Variants in ABTB2 observed in about 807,000 individuals in gnomAD.
ABTB2 encodes the protein ankyrin repeat and BTB/POZ domain-containing protein 2.
ABTB2 carries 56 observed loss-of-function variants against 104.1 expected under a neutral mutation model. That is an observed-to-expected ratio of 0.54 (90% CI 0.43 to 0.67). The LOEUF (loss-of-function observed/expected upper bound fraction) is 0.67. Among genes scored for constraint, ABTB2 ranks in the 30% least tolerant of loss-of-function variants. The probability of loss-of-function intolerance (pLI) is 0.00; values close to 1 mark genes in which losing one functional copy is unlikely to be tolerated. For missense variants in ABTB2, 1,279 were observed against 1,407.7 expected, an observed-to-expected ratio of 0.91 and a Z score of 1.46; for synonymous variants, 606 against 608.2, an observed-to-expected ratio of 1.00 and a Z score of 0.05.
chr11:34,319,381 G>T (rs551705570), intron 1 of ABTB2, among the ~76,000 whole-genome samples: 1 of 152,358 alleles, frequency 6.6e-6, no homozygotes, highest in East Asian at 1.9e-4. Context: ...ACCAGGACCA[G>T]CTGATGCCTG....
chr11:34,160,321 G>C lies in ABTB2; in HGVS notation c.2430C>G (p.Ile810Met), dbSNP rs765493571. The C allele has an allele frequency of 6.2e-7, 1 of 1,614,190 alleles. No homozygotes were observed. The change falls in exon 12 of 17, where the codon ATC (isoleucine) becomes ATG (methionine). Residue 810 changes from isoleucine to methionine, a missense_variant. Coordinates refer to ENST00000435224, the MANE Select transcript of ABTB2 (RefSeq NM_145804.3). ...GACTGCTGCCATAGCAGTGGGTGAA[G>C]ATGGTAGCCAGTTGCTGGATGACGG... ...NDSVIQQLAT[I>M]FTHCYGSSPI... is the part of the protein sequence containing the mutation.
intron 16 of ABTB2, among the ~76,000 whole-genome samples, chr11:34,153,587 T>C (rs1852579009): frequency 6.6e-6 from 1 of 152,170 alleles, no homozygotes; most frequent in South Asian, 2.1e-4. Context: ...AAACTCCTGG[T>C]CCTGCCTCAT....
intron 1 of ABTB2, among the ~76,000 whole-genome samples, chr11:34,321,241 A>G (rs1854998405): frequency 6.6e-6 from 1 of 152,200 alleles, no homozygotes; most frequent in South Asian, 2.1e-4. Flanking sequence ...ATTGCAAGGG[A>G]GAATGAACAG....
chr11:34,231,379 G>A lies in ABTB2; in HGVS notation c.884-26689C>T, dbSNP rs527706537. ...AGATACCACCCTCCCCCAGGAGGTA[G>A]AGCATAACTTCCCATCCCTTAGCTA... On this transcript the variant is annotated intron_variant, in intron 1 of 16. Coordinates refer to ENST00000435224, the MANE Select transcript of ABTB2 (RefSeq NM_145804.3). Among the ~76,000 whole-genome samples the A allele has an allele frequency of 4.6e-5, 7 of 152,250 alleles. No homozygotes were observed. The South Asian group carries it at 1.5e-3, about 32-fold the overall frequency.
intron 12 of ABTB2, 36 bp downstream of exon 12, chr11:34,160,212 G>A (rs145499198): frequency 1.1e-5 from 17 of 1,522,368 alleles, no homozygotes; most frequent in East Asian, 2.2e-5. Flanking sequence ...GGGGGAGGAC[G>A]TGTGGTGATG....
At chr11:34,296,982 T>C (rs1006693310) in intron 1 of ABTB2, among the ~76,000 whole-genome samples, 24 of 152,326 alleles carry the variant, frequency 1.6e-4, no homozygotes, top group South Asian at 4.1e-4. Flanking sequence ...CCTAGAGAAA[T>C]TTACCACCTA....
intron 5 of ABTB2, among the ~76,000 whole-genome samples, chr11:34,168,317 A>T (rs996277682): frequency 3.3e-5 from 5 of 152,188 alleles, no homozygotes; most frequent in Non-Finnish European, 7.3e-5. Context: ...CAGTTTTTTC[A>T]TCTGTAAATG....
chr11:34,165,224 A>G, intron 8 of ABTB2, 36 bp downstream of exon 8: 1 of 1,518,816 alleles, frequency 6.6e-7, no homozygotes, highest in South Asian at 1.2e-5. Flanking sequence ...CACTGCAGGG[A>G]AGGGTAGACA....
chr11:34,204,465 C>A, intron 2 of ABTB2, 79 bp downstream of exon 2: 2 of 1,467,794 alleles, frequency 1.4e-6, no homozygotes, highest in Non-Finnish European at 1.8e-6. Flanking sequence ...GAGGAGGAGG[C>A]GAGCTCTCCC....
intron 3 of ABTB2, 99 bp downstream of exon 3, chr11:34,197,226 C>A: frequency 7.5e-7 from 1 of 1,334,942 alleles, no homozygotes; most frequent in East Asian, 2.3e-5. Flanking sequence ...GGGCCCCTTC[C>A]TCGCCCTGTT....
chr11:34,331,028 A>G (rs1001134829), intron 1 of ABTB2, among the ~76,000 whole-genome samples: 7 of 152,238 alleles, frequency 4.6e-5, no homozygotes, highest in African/African-American at 1.7e-4. Context: ...CAAGAAATCC[A>G]GCCTTCCAGT....
intron 1 of ABTB2, among the ~76,000 whole-genome samples, chr11:34,246,367 C>T (rs1004993702): frequency 3.3e-5 from 5 of 151,858 alleles, no homozygotes; most frequent in Admixed American, 3.3e-4. Context: ...TTTGGGAGGC[C>T]GAGGCAGGTG....
chr11:34,256,256 T>C (rs1854121762), intron 1 of ABTB2, among the ~76,000 whole-genome samples: 1 of 151,822 alleles, frequency 6.6e-6, no homozygotes, highest in Admixed American at 6.6e-5. Flanking sequence ...AGACAGAAAA[T>C]AAACCACTGG....
At chr11:34,331,008 C>T (rs1239286239) in intron 1 of ABTB2, among the ~76,000 whole-genome samples, 1 of 152,204 alleles carries the variant, frequency 6.6e-6, no homozygotes, top group Non-Finnish European at 1.5e-5. Context: ...AGCTTGGCAG[C>T]AGAGATTTCC....
chr11:34,195,075 C>CCGG (rs1554982287), intron 3 of ABTB2, among the ~76,000 whole-genome samples: 5 of 18,066 alleles, frequency 2.8e-4, no homozygotes, highest in Admixed American at 6.6e-4. Context: ...AGATGCCCGG[C>CCGG]GGGGGGGGGG....
At chr11:34,300,369 A>C (rs1415506281) in intron 1 of ABTB2, among the ~76,000 whole-genome samples, 5 of 152,202 alleles carry the variant, frequency 3.3e-5, no homozygotes, top group Non-Finnish European at 7.3e-5. Context: ...CCTACCATTT[A>C]GCTTGTTAGG....
chr11:34,306,960 G>A (rs1178457950), intron 1 of ABTB2, among the ~76,000 whole-genome samples: 2 of 129,560 alleles, frequency 1.5e-5, no homozygotes, highest in Non-Finnish European at 1.5e-5. Flanking sequence ...AGCAATGACA[G>A]CTAGCACCAT....
chr11:34,256,543 C>T (rs1225720800), intron 1 of ABTB2, among the ~76,000 whole-genome samples: 1 of 152,168 alleles, frequency 6.6e-6, no homozygotes, highest in Non-Finnish European at 1.5e-5. Context: ...GGGTTCTGAC[C>T]TTCCAGTTGT....
intron 1 of ABTB2, among the ~76,000 whole-genome samples, chr11:34,333,613 G>A (rs539050627): frequency 1.3e-5 from 2 of 152,162 alleles, no homozygotes; most frequent in South Asian, 2.1e-4. Context: ...CAAATTAGCT[G>A]GGCATCGTGG....
Sources: gnomAD v4.1 joint callset for allele counts (sites outside exome capture counted in the v4.1 genomes callset) on GRCh38, gnomAD v4.1.1 for gene constraint, MANE v1.5 for transcripts, NCBI Gene and HGNC (gene_info 2026-07-23, HGNC 2026-07-21) for gene names.